HUS1: variants seen among roughly 807,000 people sequenced by gnomAD.
The protein encoded by HUS1 is checkpoint protein HUS1.
Under a neutral mutation model 32.6 loss-of-function variants are expected in HUS1, and 31 were observed. The ratio of observed to expected loss-of-function variants is 0.95; its 90% CI spans 0.72 to 1.28. The LOEUF is 1.28. Ranked by LOEUF, HUS1 falls within the 50% of genes most tolerant of loss-of-function variation. The pLI is 0.00. For missense variants in HUS1, 340 were observed against 337.7 expected (o/e 1.01, Z -0.05); for synonymous variants, 123 against 116.6 (o/e 1.06, Z -0.36).
chr7:47,975,547 A>T, intron 5 of HUS1, 66 bp downstream of exon 5: 1 of 1,004,868 alleles, frequency 1.0e-6, no homozygotes, highest in Non-Finnish European at 1.6e-6. Context: ...CTGCAGGGTG[A>T]GCTGGAGAAC....
intron 5 of HUS1, among the ~76,000 whole-genome samples, chr7:47,974,496 G>A (rs948568750): frequency 1.3e-5 from 2 of 152,186 alleles, no homozygotes; most frequent in African/African-American, 4.8e-5. Flanking sequence ...GAGGCATTGT[G>A]GGGGAATACC....
intron 5 of HUS1, among the ~76,000 whole-genome samples, chr7:47,975,035 C>T (rs1788671730): frequency 1.3e-5 from 2 of 152,122 alleles, no homozygotes; most frequent in African/African-American, 2.4e-5. Context: ...ATGTTCCAGC[C>T]GGGCGCGGTG....
Position 47,979,460 on chromosome 7 carries a change from C to CT in HUS1, c.52+7dup. 3 of 1,613,550 alleles carry CT rather than the reference C, an allele frequency of 1.9e-6. No individual in the cohort carries two copies. Among genetic ancestry groups the CT allele is most frequent in the Non-Finnish European group, 2.5e-6 (3 of 1,179,928 alleles). ...CCTCCCTCGCTCCTCTCCGGCCTCC[C>CT]TGCTCACGTGTGAAGTGGTTCAGAC... On this transcript the variant is annotated splice_region_variant and intron_variant, in intron 1 of 7. Transcript: ENST00000258774.
chr7:47,971,314 A>T, intron 5 of HUS1: 1 of 342,992 alleles, frequency 2.9e-6, no homozygotes, highest in South Asian at 2.2e-5. Context: ...CTGTTGGGTT[A>T]CCAGGACTGA....
At chr7:47,979,267 C>A in intron 1 of HUS1, 1 of 599,130 alleles carries the variant, frequency 1.7e-6, no homozygotes, top group Non-Finnish European at 2.9e-6. Flanking sequence ...CCGCCTTCAT[C>A]CCCACAAGTG....
rs534663837 is a variant in HUS1 at position 47,973,105 on chromosome 7, C to T, written c.540+2508G>A. On this transcript the variant is annotated intron_variant, in intron 5 of 7. Transcript: ENST00000258774. ...TCTCTCTCCAGCTGCCATGTTAAGA[C>T]GTGCCTTGCTTCCCCTTTGCCTTCT... 5.9e-5 allele frequency among the ~76,000 whole-genome samples: 9 copies of T among 152,340 alleles called. No individual in the cohort carries two copies. In the East Asian group the frequency reaches 9.6e-4, roughly 16 times the overall value.
chr7:47,978,862 T>C (rs776533088), intron 1 of HUS1, 46 bp from the exon 2 acceptor site: 1 of 1,567,632 alleles, frequency 6.4e-7, no homozygotes, highest in East Asian at 2.3e-5. Flanking sequence ...GCACATTATG[T>C]ATCCTAGAGA....
chr7:47,974,898 T>C (rs756478775), intron 5 of HUS1, among the ~76,000 whole-genome samples: 6 of 152,154 alleles, frequency 3.9e-5, no homozygotes, highest in Admixed American at 6.5e-5. Context: ...GCTGCTATGG[T>C]GTGGCATATC....
intron 4 of HUS1, chr7:47,976,091 A>G (rs2686842): frequency 0.48 from 159,989 of 333,886 alleles, 39,575 homozygotes; most frequent in East Asian, 0.54. Context: ...CATGCTCTGT[A>G]CAAAAACATG....
In HUS1 at chr7:47,979,476, T is replaced by G. The variant is rs746474307; in HGVS notation, c.44A>C (p.His15Pro). 6.2e-7 allele frequency: 1 copy of G among 1,613,386 alleles called. No individual in the cohort carries two copies. The highest frequency in any genetic ancestry group is 8.5e-7 in the Non-Finnish European group (1 of 1,179,912). ...AKIVDGACLN[H>P]FTRISNMIAK... ...CCGGCCTCCCTGCTCACGTGTGAAG[T>G]GGTTCAGACAGGCCCCGTCCACGAT... Residue 15 changes from histidine (H) to proline (P), a missense_variant, in exon 1 of 8, where the codon CAC (histidine) becomes CCC (proline). Physicochemically the swap from His to Pro is moderately conservative, Grantham distance 77. Transcript: ENST00000258774.
At chr7:47,973,153 G>T (rs1258519330) in intron 5 of HUS1, among the ~76,000 whole-genome samples, 1 of 152,132 alleles carries the variant, frequency 6.6e-6, no homozygotes, top group Non-Finnish European at 1.5e-5. Context: ...AGTTTCCTGA[G>T]GCCTCCTCAG....
At chr7:47,978,934 G>A (rs562253042) in intron 1 of HUS1, 118 bp from the exon 2 acceptor site, 7 of 1,046,800 alleles carry the variant, frequency 6.7e-6, no homozygotes, top group Admixed American at 2.2e-5. Context: ...ACCACTTAAC[G>A]TTGGTATCAC....
At position 47,964,996 on chromosome 7, in the gene HUS1, A is replaced by ATATACACAATGG. The variant is rs1788448607; in HGVS notation, c.*359_*360insCCATTGTGTATA. ...GAGCTAGAGCCTCTGCCTGGAGGGA[A>ATATACACAATGG]AGTACCAAGCTCCCAGGCAACAGCT... On this transcript the variant is annotated 3_prime_UTR_variant, in exon 8 of 8. Coordinates refer to ENST00000258774, the MANE Select transcript of HUS1 (RefSeq NM_004507.4). 1 of 207,876 alleles carries ATATACACAATGG rather than the reference A, an allele frequency of 4.8e-6. No homozygotes were observed. The highest frequency in any genetic ancestry group is 5.2e-5 in the Admixed American group (1 of 19,296). 12.9% of individuals were successfully genotyped at this position (207,876 alleles called of 1,614,324 possible).
At chr7:47,978,176 G>A (rs1788746805) in intron 3 of HUS1, 1 of 414,920 alleles carries the variant, frequency 2.4e-6, no homozygotes, top group Admixed American at 4.0e-5. Flanking sequence ...AAGAAACAGA[G>A]AGGCTGGAAG....
Position 47,979,609 on chromosome 7 carries a change from G to A in HUS1, c.-90C>T, listed in dbSNP as rs892038113. ...TCCCCGCCCGGAAACACGGCAGCGCGAACAGTGGTTCCGCCCGGCTCGGGC... is the reference window on the plus strand; with the variant it reads ...TCCCCGCCCGGAAACACGGCAGCGCAAACAGTGGTTCCGCCCGGCTCGGGC... On this transcript the variant is annotated 5_prime_UTR_variant, in exon 1 of 8. Coordinates refer to ENST00000258774, the MANE Select transcript of HUS1 (RefSeq NM_004507.4). The A allele has an allele frequency of 3.8e-6, 4 of 1,052,422 alleles. No individual in the cohort carries two copies. The highest frequency in any genetic ancestry group is 3.1e-5 in the African/African-American group (2 of 64,562). The allele number at this position is 1,052,422 out of a possible 1,614,324, so 65.2% of individuals were successfully genotyped here.
chr7:47,976,465 ATAC>A (rs1788706651), intron 4 of HUS1: 1 of 524,862 alleles, frequency 1.9e-6, no homozygotes, highest in African/African-American at 1.9e-5. Context: ...ATACTAATAA[ATAC>A]TAATTGTCCT....
At position 47,967,811 on chromosome 7, in the gene HUS1, A is replaced by T. The variant is rs369406174; in HGVS notation, c.755T>A (p.Leu252Ter). ...AGQQVNPTKA[L>*]CNIVNNKMVH... is the part of the protein sequence containing the mutation. ...AAACAGAGAAGCACACTCACTGCATAAGGCCTTTGTGGGATTTACTTGTTG... is the reference window on the plus strand; with the variant it reads ...AAACAGAGAAGCACACTCACTGCATTAGGCCTTTGTGGGATTTACTTGTTG... Residue 252 changes from leucine (L) to a stop codon, truncating the protein, a stop_gained, in exon 7 of 8, where the codon TTA becomes TAA. Coordinates refer to ENST00000258774, the MANE Select transcript of HUS1 (RefSeq NM_004507.4). LOFTEE classifies it high-confidence loss of function. 3 of 1,612,714 alleles carry T rather than the reference A, an allele frequency of 1.9e-6. No individual in the cohort carries two copies. The highest frequency in any genetic ancestry group is 1.7e-6 in the Non-Finnish European group (2 of 1,179,144).
chr7:47,975,517 G>A (rs1583722733), intron 5 of HUS1, 96 bp downstream of exon 5: 1 of 771,734 alleles, frequency 1.3e-6, no homozygotes, highest in Non-Finnish European at 2.3e-6. Context: ...CGGTTAGGAG[G>A]TGCCCACCTG....
chr7:47,976,827 G>C lies in HUS1; in HGVS notation c.368C>G (p.Ser123Ter). Residue 123 changes from serine to a stop codon, truncating the protein, a stop_gained, in exon 4 of 8, where the codon TCA (serine) becomes TGA (stop). Coordinates refer to ENST00000258774, the MANE Select transcript of HUS1 (RefSeq NM_004507.4). LOFTEE classifies it high-confidence loss of function. ...LTVSVELLSM[S>*]SSSRIVTHDI... ...ATGGGTCACAATGCGGCTACTGCTT[G>C]ACATAGATAACTGCCAAGAAAAGAA... 1 of 1,604,368 alleles carries C rather than the reference G, an allele frequency of 6.2e-7. No homozygotes were observed. The highest frequency in any genetic ancestry group is 1.1e-5 in the South Asian group (1 of 90,656).
Sources: gnomAD v4.1 joint callset for allele counts (sites outside exome capture counted in the v4.1 genomes callset) on GRCh38, gnomAD v4.1.1 for gene constraint, MANE v1.5 for transcripts, NCBI Gene and HGNC (gene_info 2026-07-23, HGNC 2026-07-21) for gene names.